The following C12orf42 variants were observed in gnomAD, a reference collection of about 807,000 sequenced individuals.
C12orf42 encodes uncharacterized protein C12orf42.
C12orf42 carries 25 observed loss-of-function variants against 21.6 expected under a neutral mutation model. The ratio of observed to expected loss-of-function variants is 1.16; its 90% confidence interval spans 0.84 to 1.62. C12orf42 has a LOEUF of 1.62. Ranked by LOEUF, C12orf42 falls within the 40% of genes most tolerant of loss-of-function variation. The pLI is 0.00. For missense variants in C12orf42, 483 were observed against 459.3 expected (o/e 1.05, Z -0.47); for synonymous variants, 174 against 175.0 (o/e 0.99, Z 0.05).
At chr12:103,458,189 T>G (rs111614807) in intron 2 of C12orf42, among the ~76,000 whole-genome samples, 1 of 152,192 alleles carries the variant, frequency 6.6e-6, no homozygotes, top group Non-Finnish European at 1.5e-5. Context: ...TGTGTCTGTA[T>G]AGAATCTGCA....
chr12:103,182,271 T>C, the C12orf42 span, among the ~76,000 whole-genome samples: 359 of 152,284 alleles, frequency 2.4e-3, 1 homozygote, highest in Non-Finnish European at 3.6e-3. Flanking sequence ...ACCAGAGCCA[T>C]GGCATTTATT....
chr12:103,378,823 T>C (rs1251179420), intron 3 of C12orf42: 1 of 152,108 alleles, frequency 6.6e-6, no homozygotes, highest in Non-Finnish European at 1.5e-5. Context: ...GTAACAATTG[T>C]TGCTGTGAAT....
At chr12:103,478,517 G>T (rs1954234243) in intron 1 of C12orf42, 70 bp from the exon 2 acceptor site, 1 of 674,664 alleles carries the variant, frequency 1.5e-6, no homozygotes, top group Non-Finnish European at 2.3e-6. Flanking sequence ...AGAAAAAAAT[G>T]ACATCTTTAA....
intron 4 of C12orf42, among the ~76,000 whole-genome samples, chr12:103,289,008 AAGGTGTT>A (rs2036636313): frequency 6.6e-6 from 1 of 152,208 alleles, no homozygotes; most frequent in African/African-American, 2.4e-5. Context: ...TAATTGGAAC[AAGGTGTT>A]AGGCAACAAT....
chr12:103,252,348 A>G (rs1460338608), intron 10 of C12orf42, among the ~76,000 whole-genome samples: 1 of 152,204 alleles, frequency 6.6e-6, no homozygotes, highest in East Asian at 1.9e-4. Flanking sequence ...TTCTGGTTCT[A>G]TATCCTTGAG....
the C12orf42 span, among the ~76,000 whole-genome samples, chr12:103,552,605 G>A: frequency 1.3e-5 from 2 of 152,286 alleles, no homozygotes; most frequent in East Asian, 3.9e-4. Context: ...GACAATGCTT[G>A]AGGTAGAAAT....
At chr12:103,281,362 C>T (rs1198978042) in intron 4 of C12orf42, among the ~76,000 whole-genome samples, 2 of 152,054 alleles carry the variant, frequency 1.3e-5, no homozygotes, top group Non-Finnish European at 2.9e-5. Context: ...ATCATCCTGA[C>T]GTGTTTGTTG....
chr12:103,254,542 A>G (rs2034459760), intron 10 of C12orf42, among the ~76,000 whole-genome samples: 1 of 152,184 alleles, frequency 6.6e-6, no homozygotes, highest in Non-Finnish European at 1.5e-5. Context: ...AGAATAGAGA[A>G]CTCAGGAATA....
At chr12:103,145,183 G>A in the C12orf42 span, among the ~76,000 whole-genome samples, 6 of 152,078 alleles carry the variant, frequency 3.9e-5, no homozygotes, top group African/African-American at 9.7e-5. Context: ...AAAGCATTTC[G>A]AACTGTTTAG....
the C12orf42 span, among the ~76,000 whole-genome samples, chr12:103,139,669 T>G: frequency 6.6e-6 from 1 of 152,024 alleles, no homozygotes; most frequent in Non-Finnish European, 1.5e-5. Flanking sequence ...TAGGCTGACT[T>G]TGAGGTCCAG....
chr12:103,450,682 C>T (rs945616904), intron 2 of C12orf42, among the ~76,000 whole-genome samples: 2 of 152,106 alleles, frequency 1.3e-5, no homozygotes, highest in Non-Finnish European at 2.9e-5. Context: ...AGGAGTGGCT[C>T]CCAATCTGCT....
rs568567220 is a variant in C12orf42, at chr12:103,437,337, TA to T, written c.79-35663del. On this transcript the variant is annotated intron_variant, in intron 2 of 5. Transcript: ENST00000548883. ...AAAATTGACACCCTAACATCACAATTAAAAGAACTAAAAAAGCAAGCGCAAA... is the reference window on the plus strand; with the variant it reads ...AAAATTGACACCCTAACATCACAATTAAAGAACTAAAAAAGCAAGCGCAAA... Among the ~76,000 whole-genome samples the T allele has an allele frequency of 5.4e-3, 823 of 151,832 alleles. 7 individuals carry two copies. The highest frequency in any genetic ancestry group is 0.019 in the African/African-American group (768 of 41,372).
chr12:103,097,522 C>T, the C12orf42 span, among the ~76,000 whole-genome samples: 2 of 152,166 alleles, frequency 1.3e-5, no homozygotes, highest in African/African-American at 2.4e-5. Context: ...TTAGAGTTGT[C>T]TACAGAGTCT....
intron 2 of C12orf42, among the ~76,000 whole-genome samples, chr12:103,477,176 A>T (rs567072475): frequency 6.6e-6 from 1 of 152,304 alleles, no homozygotes; most frequent in East Asian, 1.9e-4. Context: ...GCCACAGAGG[A>T]GTGGGAAGTG....
the C12orf42 span, among the ~76,000 whole-genome samples, chr12:103,127,333 C>T: frequency 6.6e-6 from 1 of 152,128 alleles, no homozygotes; most frequent in African/African-American, 2.4e-5. Context: ...TTCTCTAATA[C>T]TAGGCATAAA....
At chr12:103,216,114 C>A in the C12orf42 span, among the ~76,000 whole-genome samples, 50 of 152,306 alleles carry the variant, frequency 3.3e-4, no homozygotes, top group African/African-American at 1.2e-3. Flanking sequence ...GGCATACATA[C>A]TGACCAAGAA....
chr12:103,158,035 A>G, the C12orf42 span, among the ~76,000 whole-genome samples: 1,088 of 152,254 alleles, frequency 7.1e-3, 10 homozygotes, highest in African/African-American at 0.025. Context: ...ATTATGTTTC[A>G]AAAGAGGATA....
intron 2 of C12orf42, among the ~76,000 whole-genome samples, chr12:103,450,854 A>T (rs969712384): frequency 6.6e-6 from 1 of 152,154 alleles, no homozygotes; most frequent in Admixed American, 6.6e-5. Context: ...GTCCATAGAA[A>T]GTTGGGGGCC....
At position 103,401,514 on chromosome 12, in the gene C12orf42, T is replaced by C. The variant is rs78426170; in HGVS notation, c.147+93A>G. On this transcript the variant is annotated intron_variant, in intron 3 of 5. Coordinates refer to ENST00000548883, the MANE Select transcript of C12orf42 (RefSeq NM_198521.5). ...CCTTTACTAGCTATAAAGTCAAAAA[T>C]ACAAAGAAACAAATCTGCTTACATG... 12,944 of 1,052,642 alleles carry C rather than the reference T, an allele frequency of 0.012. 1,016 individuals are homozygous for C. The East Asian group carries it at 0.19, about 16-fold the overall frequency. 65.2% of individuals were successfully genotyped at this position (1,052,642 alleles called of 1,614,324 possible).
Sources: gnomAD v4.1 joint callset for allele counts (sites outside exome capture counted in the v4.1 genomes callset) on GRCh38, gnomAD v4.1.1 for gene constraint, MANE v1.5 for transcripts, NCBI Gene and HGNC (gene_info 2026-07-23, HGNC 2026-07-21) for gene names.